The following SETDB1 variants were observed in gnomAD, a reference collection of about 807,000 sequenced individuals.
SETDB1 encodes the protein SET domain bifurcated histone lysine methyltransferase 1, also known as histone-lysine N-methyltransferase SETDB1.
SETDB1 carries 31 observed loss-of-function variants against 137.4 expected under a neutral mutation model. The ratio of observed to expected loss-of-function variants is 0.23; its 90% CI spans 0.17 to 0.30. The LOEUF (loss-of-function observed/expected upper bound fraction) is 0.30. Ranked by LOEUF, SETDB1 falls within the 10% of genes least tolerant of loss-of-function variation. The pLI is 1.00. For synonymous variants in SETDB1, 548 were observed against 579.9 expected (o/e 0.95, Z 0.79); for missense variants, 1,113 against 1,631.5 (o/e 0.68, Z 5.47).
chr1:150,961,766 T>C (rs891934245), intron 16 of SETDB1: 3 of 249,072 alleles, frequency 1.2e-5, no homozygotes, highest in Non-Finnish European at 2.3e-5. Flanking sequence ...TTAAATGCTG[T>C]TTCAAGTTAT....
At chr1:150,945,456 G>A (rs1300858956) in intron 9 of SETDB1, 5 of 410,156 alleles carry the variant, frequency 1.2e-5, no homozygotes, top group Admixed American at 4.3e-5. Context: ...GAGGGATCAA[G>A]GAGTCCTGAT....
intron 12 of SETDB1, among the ~76,000 whole-genome samples, chr1:150,949,940 A>G (rs981184884): frequency 2.0e-5 from 3 of 152,214 alleles, no homozygotes; most frequent in South Asian, 2.1e-4. Flanking sequence ...TACTGTTGAA[A>G]TAGAGATGTT....
intron 3 of SETDB1, among the ~76,000 whole-genome samples, chr1:150,931,133 C>G (rs1669722073): frequency 6.6e-6 from 1 of 151,452 alleles, no homozygotes; most frequent in Non-Finnish European, 1.5e-5. Context: ...GGTGGTGCAC[C>G]CCAGTAATCC....
At chr1:150,955,844 T>C (rs1670618985) in intron 14 of SETDB1, among the ~76,000 whole-genome samples, 1 of 152,094 alleles carries the variant, frequency 6.6e-6, no homozygotes, top group Admixed American at 6.6e-5. Flanking sequence ...ATCCCAGCAC[T>C]TTGGGAGGCC....
rs993525635 is a variant in SETDB1, at chr1:150,960,800, A to G, written c.2741A>G (p.Asp914Gly). Residue 914 changes from aspartate (D) to glycine (G), a missense_variant, in exon 16 of 22, where the codon GAT (aspartate) becomes GGT (glycine). This residue lies in a region of SETDB1 where 373 missense variants were observed against 412.7 expected (regional missense o/e 0.90). Coordinates refer to ENST00000692827, the MANE Select transcript of SETDB1 (RefSeq NM_001366418.1). ...AGCTCAGATGATAACTTCTGTAAGG[A>G]TGAGGACTTCAGCACCAGTTCAGTG... ...DDSSDDNFCK[D>G]EDFSTSSVWR... 13 of 1,608,842 alleles carry G rather than the reference A, an allele frequency of 8.1e-6. No individual in the cohort carries two copies. The highest frequency in any genetic ancestry group is 1.7e-4 in the Middle Eastern group (1 of 6,046).
At chr1:150,944,836 A>G in intron 8 of SETDB1, 82 bp from the exon 9 acceptor site, 3 of 1,484,134 alleles carry the variant, frequency 2.0e-6, no homozygotes, top group Non-Finnish European at 2.7e-6. Flanking sequence ...CTTAAAAAGT[A>G]TCAAATGTCT....
chr1:150,944,162 C>A, intron 8 of SETDB1, 169 bp downstream of exon 8: 1 of 614,748 alleles, frequency 1.6e-6, no homozygotes, highest in East Asian at 2.7e-5. Flanking sequence ...AAAAGAGATA[C>A]AGTTTTATTG....
In SETDB1 at chr1:150,949,523, T is replaced by C. The variant is rs371651928; in HGVS notation, c.1581T>C (p.Tyr527=). ...SGGKPGINQT[Y]RSPLGSTASA... is the part of the protein sequence containing the mutation. Reference sequence around the variant, plus strand: ...GGAAACCTGGGATCAACCAGACATATAGGTGAGAAAATCTGAGGCTCTCTG... The same window carrying C: ...GGAAACCTGGGATCAACCAGACATACAGGTGAGAAAATCTGAGGCTCTCTG... Residue 527 remains tyrosine (Y), a splice_region_variant and synonymous_variant, in exon 12 of 22, where the codon TAT becomes TAC. Coordinates refer to ENST00000692827, the MANE Select transcript of SETDB1 (RefSeq NM_001366418.1). 229 of 1,613,816 alleles carry C rather than the reference T, an allele frequency of 1.4e-4. No homozygotes were observed. The highest frequency in any genetic ancestry group is 1.8e-4 in the Non-Finnish European group (214 of 1,179,908).
chr1:150,938,335 A>C (rs757016732), intron 3 of SETDB1, among the ~76,000 whole-genome samples: 3 of 152,124 alleles, frequency 2.0e-5, no homozygotes, highest in Non-Finnish European at 2.9e-5. Context: ...AGGCAAATCC[A>C]TAGAGACAGA....
chr1:150,956,810 T>C (rs1003316564), intron 14 of SETDB1, among the ~76,000 whole-genome samples: 1 of 151,678 alleles, frequency 6.6e-6, no homozygotes, highest in African/African-American at 2.4e-5. Flanking sequence ...TGGGAAATAA[T>C]CTTTTTTAAA....
At chr1:150,928,927 T>C (rs960889399) in intron 2 of SETDB1, among the ~76,000 whole-genome samples, 8 of 152,194 alleles carry the variant, frequency 5.3e-5, no homozygotes, top group Non-Finnish European at 1.0e-4. Context: ...CATGAACTCA[T>C]CCTTTTTTAT....
chr1:150,962,074 T>C (rs1670840520), intron 16 of SETDB1, 56 bp from the exon 17 acceptor site: 8 of 1,608,968 alleles, frequency 5.0e-6, no homozygotes, highest in Non-Finnish European at 6.0e-6. Flanking sequence ...GTCTGATTAT[T>C]GGACTTGTTA....
intron 14 of SETDB1, among the ~76,000 whole-genome samples, chr1:150,956,313 G>A (rs1285535209): frequency 1.3e-5 from 2 of 151,406 alleles, no homozygotes; most frequent in Non-Finnish European, 2.9e-5. Flanking sequence ...TTGAACCCGC[G>A]AGGTGGAGGT....
chr1:150,927,642 TTCTC>T, intron 1 of SETDB1, 58 bp from the exon 2 acceptor site: 1 of 1,468,044 alleles, frequency 6.8e-7, no homozygotes, highest in Non-Finnish European at 9.4e-7. Flanking sequence ...GGAACTGAAA[TTCTC>T]TATTGATTGA....
intron 3 of SETDB1, among the ~76,000 whole-genome samples, chr1:150,934,510 C>T (rs1669887861): frequency 6.6e-6 from 1 of 152,128 alleles, no homozygotes; most frequent in Non-Finnish European, 1.5e-5. Context: ...TTTGCACCAG[C>T]ATACTTCTAC....
chr1:150,962,292 C>T, intron 17 of SETDB1, 134 bp downstream of exon 17: 2 of 842,296 alleles, frequency 2.4e-6, no homozygotes, highest in South Asian at 2.8e-5. Context: ...CCTCAGCCTC[C>T]CTAGTAGCTG....
intron 14 of SETDB1, among the ~76,000 whole-genome samples, chr1:150,953,703 C>T (rs1197294071): frequency 6.6e-6 from 1 of 151,956 alleles, no homozygotes; most frequent in Non-Finnish European, 1.5e-5. Context: ...ATTGTGCACG[C>T]CTGTAATCTC....
At chr1:150,947,987 T>G (rs1293173485) in intron 10 of SETDB1, among the ~76,000 whole-genome samples, 1 of 151,724 alleles carries the variant, frequency 6.6e-6, no homozygotes, top group Non-Finnish European at 1.5e-5. Flanking sequence ...GTCTCAGCAC[T>G]TTGGGAGGCT....
intron 14 of SETDB1, among the ~76,000 whole-genome samples, chr1:150,955,265 A>G (rs1670606240): frequency 6.6e-6 from 1 of 152,230 alleles, no homozygotes; most frequent in Admixed American, 6.5e-5. Flanking sequence ...GAAATGTTTC[A>G]TAAAAATATT....
Sources: gnomAD v4.1 joint callset for allele counts (sites outside exome capture counted in the v4.1 genomes callset) on GRCh38, gnomAD v4.1.1 for gene constraint, gnomAD v4.1.1 regional missense constraint, MANE v1.5 for transcripts, NCBI Gene and HGNC (gene_info 2026-07-23, HGNC 2026-07-21) for gene names.